The following CDH10 variants were observed in gnomAD, a reference collection of about 807,000 sequenced individuals.
CDH10 encodes cadherin 10, also known as cadherin-10.
A neutral mutation model predicts 73.1 loss-of-function variants in CDH10; 30 were observed. The ratio of observed to expected loss-of-function variants is 0.41; its 90% CI spans 0.31 to 0.56. CDH10 has a LOEUF of 0.56. CDH10 is among the 20% of genes least tolerant of loss of function. The pLI is 0.27. For synonymous variants in CDH10, 345 were observed against 348.2 expected (o/e 0.99, Z 0.10); for missense variants, 815 against 973.7 (o/e 0.84, Z 2.17).
At chr5:24,498,319 T>C in intron 9 of CDH10, 79 bp downstream of exon 9, 1 of 893,914 alleles carries the variant, frequency 1.1e-6, no homozygotes, top group Non-Finnish European at 1.8e-6. Flanking sequence ...TGTGTATTCT[T>C]TCCTCTCAGG....
chr5:24,528,221 T>C (rs998396014), intron 5 of CDH10, among the ~76,000 whole-genome samples: 5 of 151,888 alleles, frequency 3.3e-5, no homozygotes, highest in African/African-American at 4.8e-5. Flanking sequence ...TAGGTTCATT[T>C]TTTTTCTAGA....
At chr5:24,632,606 T>C (rs969437167) in intron 1 of CDH10, among the ~76,000 whole-genome samples, 4 of 152,154 alleles carry the variant, frequency 2.6e-5, no homozygotes, top group Non-Finnish European at 5.9e-5. Flanking sequence ...ACTTGTTCTA[T>C]ATTAAAGGGC....
intron 1 of CDH10, among the ~76,000 whole-genome samples, chr5:24,609,259 G>A (rs895465801): frequency 6.6e-5 from 10 of 152,136 alleles, no homozygotes; most frequent in African/African-American, 2.4e-4. Context: ...ATTGAGTCCT[G>A]GTTGATTTTT....
intron 2 of CDH10, among the ~76,000 whole-genome samples, chr5:24,567,670 G>A (rs947866651): frequency 6.6e-6 from 1 of 151,906 alleles, no homozygotes; most frequent in African/African-American, 2.4e-5. Context: ...GACACAGAGG[G>A]AAATTTCAGG....
intron 11 of CDH10, among the ~76,000 whole-genome samples, chr5:24,491,174 T>C (rs1475418594): frequency 6.6e-6 from 1 of 152,202 alleles, no homozygotes; most frequent in Non-Finnish European, 1.5e-5. Flanking sequence ...CGAAGATCTC[T>C]TAATTCCATT....
intron 11 of CDH10, 134 bp from the exon 12 acceptor site, chr5:24,488,287 C>T (rs866186683): frequency 2.5e-6 from 2 of 797,044 alleles, no homozygotes; most frequent in Middle Eastern, 3.8e-4. Context: ...TTTTGTGCTT[C>T]CCACAGTTTG....
At chr5:24,604,889 A>AAAAAAAC (rs1746700493) in intron 1 of CDH10, among the ~76,000 whole-genome samples, 1 of 147,370 alleles carries the variant, frequency 6.8e-6, no homozygotes, top group African/African-American at 2.6e-5. Flanking sequence ...AAAAAAAAAA[A>AAAAAAAC]AAAAAACAAA....
At chr5:24,488,673 A>C (rs1452023240) in intron 11 of CDH10, among the ~76,000 whole-genome samples, 2 of 152,130 alleles carry the variant, frequency 1.3e-5, no homozygotes, top group Non-Finnish European at 2.9e-5. Flanking sequence ...ATGAACTTAC[A>C]TATTTTTGTT....
intron 1 of CDH10, among the ~76,000 whole-genome samples, chr5:24,634,199 A>G (rs1445246379): frequency 1.3e-5 from 2 of 151,864 alleles, no homozygotes; most frequent in Non-Finnish European, 2.9e-5. Context: ...TTCAATAACC[A>G]TTTCTTGGGC....
chr5:24,600,588 G>A (rs768781772), intron 1 of CDH10, among the ~76,000 whole-genome samples: 4 of 151,974 alleles, frequency 2.6e-5, no homozygotes, highest in South Asian at 2.1e-4. Flanking sequence ...AGAGCAGAGC[G>A]TCGGTGTGCG....
chr5:24,549,457 C>A lies in CDH10; in HGVS notation c.232-11783G>T, dbSNP rs905838685. Among the ~76,000 whole-genome samples, 11 of 151,712 alleles carry A rather than the reference C, an allele frequency of 7.3e-5. No individual in the cohort carries two copies. In the South Asian group the frequency reaches 2.3e-3, roughly 32 times the overall value. ...GGACATAGAGAAAACTATGAAAGTA[C>A]CTAGGAGAAAGACACATTAATGTCA... On this transcript the variant is annotated intron_variant, in intron 2 of 11. Transcript: ENST00000264463.
chr5:24,606,333 T>C (rs1299576625), intron 1 of CDH10, among the ~76,000 whole-genome samples: 1 of 152,008 alleles, frequency 6.6e-6, no homozygotes, highest in Non-Finnish European at 1.5e-5. Flanking sequence ...ATTACAGGCC[T>C]GGCGCAGTGG....
At chr5:24,493,738 G>A (rs1401270014) in intron 9 of CDH10, among the ~76,000 whole-genome samples, 1 of 151,462 alleles carries the variant, frequency 6.6e-6, no homozygotes, top group African/African-American at 2.4e-5. Context: ...TTTTGAAGAT[G>A]GCCTCAAAAG....
chr5:24,520,585 G>A (rs1579753079), intron 5 of CDH10, among the ~76,000 whole-genome samples: 1 of 152,106 alleles, frequency 6.6e-6, no homozygotes, highest in East Asian at 1.9e-4. Context: ...TAAAAGGAGA[G>A]GATGATATAT....
At chr5:24,504,539 T>TTTTTTTTTTTTTTTTTTG in intron 8 of CDH10, among the ~76,000 whole-genome samples, 1 of 88,338 alleles carries the variant, frequency 1.1e-5, no homozygotes, top group Non-Finnish European at 2.2e-5. Flanking sequence ...TTTTTTTTTT[T>TTTTTTTTTTTTTTTTTTG]TTTTAAGATG....
intron 5 of CDH10, among the ~76,000 whole-genome samples, chr5:24,514,263 C>G (rs1408550840): frequency 1.3e-5 from 2 of 152,090 alleles, no homozygotes; most frequent in South Asian, 4.1e-4. Context: ...TTTCAAAACT[C>G]TTTGATTGTT....
chr5:24,551,537 C>T (rs1022708118), intron 2 of CDH10, among the ~76,000 whole-genome samples: 1 of 152,126 alleles, frequency 6.6e-6, no homozygotes, highest in East Asian at 1.9e-4. Context: ...AATTATTTTT[C>T]TAAGCCAGTG....
intron 5 of CDH10, among the ~76,000 whole-genome samples, chr5:24,525,943 C>T (rs1743516427): frequency 6.6e-6 from 1 of 152,042 alleles, no homozygotes; most frequent in Non-Finnish European, 1.5e-5. Context: ...ATAGATAATA[C>T]ACAATGGCAA....
chr5:24,630,992 A>G (rs1209853556), intron 1 of CDH10, among the ~76,000 whole-genome samples: 2 of 152,144 alleles, frequency 1.3e-5, no homozygotes, highest in South Asian at 4.1e-4. Context: ...GCTAGATTGA[A>G]TACTTTGGCC....
Sources: allele counts gnomAD v4.1 joint callset (sites outside exome capture counted in the v4.1 genomes callset), GRCh38; gene constraint gnomAD v4.1.1; transcripts MANE v1.5; gene names NCBI Gene and HGNC (gene_info 2026-07-23, HGNC 2026-07-21).